TENM3: variants seen among roughly 807,000 people sequenced by gnomAD.
The protein encoded by TENM3 is teneurin-3.
TENM3 carries 63 observed loss-of-function variants against 255.1 expected under a neutral mutation model. The observed-to-expected ratio is 0.25, with a 90% confidence interval of 0.20 to 0.30. TENM3 has a LOEUF of 0.30. TENM3 is among the 10% of genes least tolerant of loss of function. The probability of loss-of-function intolerance (pLI) is 1.00; values close to 1 mark genes in which losing one functional copy is unlikely to be tolerated. For synonymous variants in TENM3, 1,306 were observed against 1,322.3 expected (o/e 0.99, Z 0.27); for missense variants, 2,929 against 3,461.1 (o/e 0.85, Z 3.86).
the TENM3 span, among the ~76,000 whole-genome samples, chr4:182,131,867 T>C: frequency 6.6e-6 from 1 of 152,212 alleles, no homozygotes; most frequent in African/African-American, 2.4e-5. Flanking sequence ...TAATTTCAAA[T>C]AGCAGCAAAC....
At chr4:181,712,916 A>AG in the TENM3 span, among the ~76,000 whole-genome samples, 2 of 152,212 alleles carry the variant, frequency 1.3e-5, no homozygotes, top group African/African-American at 4.8e-5. Flanking sequence ...TGGGATATAG[A>AG]GGGGGGCTTC....
intron 12 of TENM3, among the ~76,000 whole-genome samples, chr4:182,705,074 T>G (rs1579174090): frequency 6.6e-6 from 1 of 152,220 alleles, no homozygotes; most frequent in Non-Finnish European, 1.5e-5. Context: ...AACATTGCAG[T>G]GAGCAGCAGT....
At chr4:182,216,755 G>A (rs1755496660) in intron 1 of TENM3, among the ~76,000 whole-genome samples, 2 of 152,134 alleles carry the variant, frequency 1.3e-5, no homozygotes, top group African/African-American at 4.8e-5. Context: ...AATAAATGTT[G>A]AACTGAGTGA....
At chr4:181,950,682 C>G in the TENM3 span, among the ~76,000 whole-genome samples, 1 of 152,152 alleles carries the variant, frequency 6.6e-6, no homozygotes, top group Non-Finnish European at 1.5e-5. Flanking sequence ...TGCACTGTTA[C>G]TAACAAACTG....
the TENM3 span, among the ~76,000 whole-genome samples, chr4:182,078,930 G>C: frequency 1.3e-5 from 2 of 152,164 alleles, no homozygotes; most frequent in Non-Finnish European, 2.9e-5. Context: ...ACCTACTCTT[G>C]GCACCAGCCA....
chr4:182,290,310 G>T (rs1761032899), intron 1 of TENM3, among the ~76,000 whole-genome samples: 1 of 152,268 alleles, frequency 6.6e-6, no homozygotes, highest in Admixed American at 6.5e-5. Flanking sequence ...CCAGAAACCT[G>T]GTTCCAGCTG....
intron 3 of TENM3, among the ~76,000 whole-genome samples, chr4:182,533,759 C>A (rs376353876): frequency 6.6e-6 from 1 of 151,880 alleles, no homozygotes; most frequent in African/African-American, 2.4e-5. Context: ...ACAGAAAATA[C>A]AAAAATTAGC....
the TENM3 span, among the ~76,000 whole-genome samples, chr4:182,025,775 A>G: frequency 6.6e-6 from 1 of 152,246 alleles, no homozygotes. Context: ...ATGATGATCA[A>G]TGAAGCTGAG....
the TENM3 span, among the ~76,000 whole-genome samples, chr4:182,003,163 C>G: frequency 6.6e-6 from 1 of 152,084 alleles, no homozygotes; most frequent in Admixed American, 6.6e-5. Context: ...TTCTTGATGA[C>G]TAAGTACCCA....
chr4:181,554,044 T>G, the TENM3 span, among the ~76,000 whole-genome samples: 1 of 152,100 alleles, frequency 6.6e-6, no homozygotes, highest in Non-Finnish European at 1.5e-5. Context: ...CGGCTCTAAC[T>G]GTATAGAAAC....
the TENM3 span, among the ~76,000 whole-genome samples, chr4:181,920,158 A>G: frequency 6.6e-6 from 1 of 151,946 alleles, no homozygotes; most frequent in Non-Finnish European, 1.5e-5. Flanking sequence ...GTTTGTTCCA[A>G]GTCTTTCCTA....
the TENM3 span, among the ~76,000 whole-genome samples, chr4:181,753,972 A>G: frequency 6.6e-6 from 1 of 152,154 alleles, no homozygotes; most frequent in African/African-American, 2.4e-5. Context: ...GGCTTGATTC[A>G]TTTAGGAAGT....
At chr4:182,721,945 A>G (rs1759771000) in intron 13 of TENM3, among the ~76,000 whole-genome samples, 1 of 151,972 alleles carries the variant, frequency 6.6e-6, no homozygotes, top group Admixed American at 6.6e-5. Context: ...ACTTCATTAT[A>G]TATTCTACTT....
chr4:181,972,648 G>A, the TENM3 span, among the ~76,000 whole-genome samples: 1 of 152,094 alleles, frequency 6.6e-6, no homozygotes, highest in South Asian at 2.1e-4. Flanking sequence ...GACATGTGGA[G>A]ACAACATGAC....
chr4:181,621,230 C>A, the TENM3 span, among the ~76,000 whole-genome samples: 2,659 of 152,204 alleles, frequency 0.017, 88 homozygotes, highest in African/African-American at 0.061. Flanking sequence ...TAATCAGAAA[C>A]CACCATTTTA....
At chr4:181,489,225 G>C in the TENM3 span, among the ~76,000 whole-genome samples, 8 of 152,256 alleles carry the variant, frequency 5.3e-5, no homozygotes, top group African/African-American at 1.7e-4. Flanking sequence ...GGACTTCACT[G>C]TCTCTAAAAG....
At chr4:182,130,454 A>G in the TENM3 span, among the ~76,000 whole-genome samples, 1 of 152,208 alleles carries the variant, frequency 6.6e-6, no homozygotes, top group East Asian at 1.9e-4. Flanking sequence ...AACAGTTACA[A>G]AAACATTGTA....
At chr4:182,474,264 A>G (rs1733444869) in intron 3 of TENM3, among the ~76,000 whole-genome samples, 1 of 152,198 alleles carries the variant, frequency 6.6e-6, no homozygotes, top group Non-Finnish European at 1.5e-5. Flanking sequence ...TAGATGGTAC[A>G]TTTTTATGTA....
chr4:181,565,256 G>A, the TENM3 span, among the ~76,000 whole-genome samples: 18 of 152,148 alleles, frequency 1.2e-4, no homozygotes, highest in African/African-American at 4.3e-4. Flanking sequence ...TACAGGCAAC[G>A]AGGACTAATA....
Sources: allele counts gnomAD v4.1 joint callset (sites outside exome capture counted in the v4.1 genomes callset), GRCh38; gene constraint gnomAD v4.1.1; transcripts MANE v1.5; gene names NCBI Gene and HGNC (gene_info 2026-07-23, HGNC 2026-07-21).